The following GNA12 variants were observed in gnomAD, a reference collection of about 807,000 sequenced individuals.
GNA12 encodes guanine nucleotide-binding protein subunit alpha-12.
In GNA12, 9 loss-of-function variants were observed where a neutral mutation model predicts 26.0. That is an observed-to-expected ratio of 0.35 (90% CI 0.21 to 0.60). The LOEUF (loss-of-function observed/expected upper bound fraction) is 0.60. GNA12 is among the 20% of genes least tolerant of loss of function. The probability of loss-of-function intolerance (pLI) is 0.78; values close to 1 mark genes in which losing one functional copy is unlikely to be tolerated. For synonymous variants in GNA12, 264 were observed against 219.6 expected (o/e 1.20, Z -1.79); for missense variants, 405 against 525.8 (o/e 0.77, Z 2.25).
At chr7:2,762,817 T>A (rs1333177087) in intron 2 of GNA12, 1 of 1,525,644 alleles carries the variant, frequency 6.6e-7, no homozygotes, top group Admixed American at 2.1e-5. Context: ...CGGCCTCCCA[T>A]CCGCCACACA....
intron 1 of GNA12, among the ~76,000 whole-genome samples, chr7:2,801,030 C>T (rs1211565925): frequency 6.6e-6 from 1 of 152,034 alleles, no homozygotes; most frequent in Non-Finnish European, 1.5e-5. Flanking sequence ...ATTTCTCTGG[C>T]GAGGTCTCGG....
chr7:2,745,973 T>C (rs1018595522), intron 2 of GNA12, among the ~76,000 whole-genome samples: 26 of 152,140 alleles, frequency 1.7e-4, no homozygotes, highest in African/African-American at 6.3e-4. Context: ...GAGCTAACTA[T>C]CCTAAATATA....
chr7:2,833,703 T>G (rs1279513957), intron 1 of GNA12, among the ~76,000 whole-genome samples: 1 of 151,848 alleles, frequency 6.6e-6, no homozygotes, highest in Non-Finnish European at 1.5e-5. Flanking sequence ...GTAAACCTGT[T>G]AAATGCAATT....
At chr7:2,781,382 T>G (rs1252155033) in intron 2 of GNA12, among the ~76,000 whole-genome samples, 1 of 150,726 alleles carries the variant, frequency 6.6e-6, no homozygotes, top group Non-Finnish European at 1.5e-5. Context: ...CCTTTCAAAT[T>G]TGGTCTCTAA....
At chr7:2,816,080 G>C (rs1017916700) in intron 1 of GNA12, among the ~76,000 whole-genome samples, 2 of 152,214 alleles carry the variant, frequency 1.3e-5, no homozygotes, top group African/African-American at 4.8e-5. Flanking sequence ...CGGACACACA[G>C]TGCAGCACTG....
At chr7:2,744,202 G>A (rs1456460027) in intron 2 of GNA12, among the ~76,000 whole-genome samples, 5 of 152,250 alleles carry the variant, frequency 3.3e-5, no homozygotes, top group Non-Finnish European at 5.9e-5. Context: ...CTGGAGATCT[G>A]AGAACGGGCA....
chr7:2,790,990 A>G (rs967436000), intron 2 of GNA12, among the ~76,000 whole-genome samples: 3 of 151,514 alleles, frequency 2.0e-5, no homozygotes, highest in African/African-American at 7.3e-5. Context: ...AAAAAAAAAA[A>G]GGTAAAGAAA....
At chr7:2,829,115 C>T (rs1342398130) in intron 1 of GNA12, among the ~76,000 whole-genome samples, 2 of 151,958 alleles carry the variant, frequency 1.3e-5, no homozygotes, top group South Asian at 2.1e-4. Flanking sequence ...ATGGTCTGCT[C>T]ATTGTATGAA....
intron 1 of GNA12, among the ~76,000 whole-genome samples, chr7:2,796,184 A>T (rs77873486): frequency 2.0e-5 from 3 of 152,196 alleles, no homozygotes; most frequent in African/African-American, 7.2e-5. Flanking sequence ...TATCCGTGGC[A>T]TAAGTTCCAA....
intron 2 of GNA12, among the ~76,000 whole-genome samples, chr7:2,754,240 G>C (rs928921886): frequency 1.3e-5 from 2 of 152,194 alleles, no homozygotes; most frequent in African/African-American, 4.8e-5. Context: ...TGGCTGGAGA[G>C]GCTGGATGTC....
chr7:2,731,154 C>A lies in GNA12; in HGVS notation c.*27G>T, dbSNP rs369485204. 6.5e-7 allele frequency: 1 copy of A among 1,537,794 alleles called. No individual in the cohort carries two copies. The highest frequency in any genetic ancestry group is 8.9e-7 in the Non-Finnish European group (1 of 1,123,526). The stretch of plus-strand genomic sequence containing the variant: ...ACCGACAGCCGTGGGGGCTGCTCAA[C>A]GACGACAAACCCCGGGGCTTCCTCG... On this transcript the variant is annotated 3_prime_UTR_variant, in exon 4 of 4. Coordinates refer to ENST00000275364, the MANE Select transcript of GNA12 (RefSeq NM_007353.3). The surrounding 1 kb of genome is among the most constrained non-coding windows in gnomAD (Gnocchi z 6.0).
At chr7:2,801,938 T>C (rs1345909392) in intron 1 of GNA12, among the ~76,000 whole-genome samples, 4 of 152,282 alleles carry the variant, frequency 2.6e-5, no homozygotes, top group Non-Finnish European at 2.9e-5. Context: ...GCAGAACTGA[T>C]AGTTACACTT....
intron 1 of GNA12, among the ~76,000 whole-genome samples, chr7:2,797,054 C>G (rs2115460871): frequency 1.3e-5 from 2 of 152,348 alleles, no homozygotes; most frequent in Middle Eastern, 6.8e-3. Context: ...GCCTTCTCAT[C>G]TCAGAGCAAT....
chr7:2,796,502 T>G (rs1208500572), intron 1 of GNA12, among the ~76,000 whole-genome samples: 2 of 152,060 alleles, frequency 1.3e-5, no homozygotes, highest in South Asian at 4.1e-4. Flanking sequence ...GCTCCTCTAT[T>G]CCAAAAGATA....
At position 2,795,030 on chromosome 7, in the gene GNA12, A is replaced by T; in HGVS notation, c.423T>A (p.Pro141=). The change falls in exon 2 of 4, where the codon CCT becomes CCA. Residue 141 remains proline, a synonymous_variant. Transcript: ENST00000275364. ...LMAFENKAGL[P]VEPATFQLYV... Reference sequence around the variant, plus strand: ...ACAGCTGGAAGGTGGCCGGCTCCACAGGCAGCCCCGCCTTGTTCTCGAAGG... The same window carrying T: ...ACAGCTGGAAGGTGGCCGGCTCCACTGGCAGCCCCGCCTTGTTCTCGAAGG... 6.2e-7 allele frequency: 1 copy of T among 1,614,122 alleles called. No individual in the cohort carries two copies. Among genetic ancestry groups the T allele is most frequent in the Non-Finnish European group, 8.5e-7 (1 of 1,179,960 alleles).
chr7:2,750,478 T>C lies in GNA12; in HGVS notation c.526-16977A>G, dbSNP rs552070878. On this transcript the variant is annotated intron_variant, in intron 2 of 3. Coordinates refer to ENST00000275364, the MANE Select transcript of GNA12 (RefSeq NM_007353.3). ...CTTGAATAATACCCAACCTTATCTA[T>C]ATTGTTTTTCCCTTTACACATGTAC... is the stretch of plus-strand genomic sequence containing the variant. Among the ~76,000 whole-genome samples the C allele has an allele frequency of 3.3e-5, 5 of 152,364 alleles. No homozygotes were observed. The East Asian group carries it at 9.6e-4, about 29-fold the overall frequency.
At chr7:2,740,478 G>A (rs989996131) in intron 2 of GNA12, among the ~76,000 whole-genome samples, 2 of 152,160 alleles carry the variant, frequency 1.3e-5, no homozygotes, top group African/African-American at 4.8e-5. Context: ...ACCTGATGGT[G>A]CTGCCACCCA....
At chr7:2,774,246 T>C (rs1379454895) in intron 2 of GNA12, among the ~76,000 whole-genome samples, 1 of 152,170 alleles carries the variant, frequency 6.6e-6, no homozygotes, top group Non-Finnish European at 1.5e-5. Context: ...TACATGTATA[T>C]GCATATATAC....
At chr7:2,842,473 AT>A (rs1779024994) in intron 1 of GNA12, among the ~76,000 whole-genome samples, 1 of 152,102 alleles carries the variant, frequency 6.6e-6, no homozygotes, top group Non-Finnish European at 1.5e-5. Flanking sequence ...TAATGTGTTC[AT>A]TTTTGTGGCA....
Sources: allele counts gnomAD v4.1 joint callset (sites outside exome capture counted in the v4.1 genomes callset), GRCh38; gene constraint gnomAD v4.1.1; non-coding constraint Gnocchi (gnomAD v3.1); transcripts MANE v1.5; gene names NCBI Gene and HGNC (gene_info 2026-07-23, HGNC 2026-07-21).